The following DOCK2 variants were observed in gnomAD, a reference collection of about 807,000 sequenced individuals.
DOCK2 encodes dedicator of cytokinesis 2, also known as dedicator of cytokinesis protein 2.
A neutral mutation model predicts 248.9 loss-of-function variants in DOCK2; 87 were observed. That is an observed-to-expected ratio of 0.35 (90% CI 0.29 to 0.42). The LOEUF (loss-of-function observed/expected upper bound fraction) is 0.42, where lower values mean the gene tolerates loss of function less well. DOCK2 is among the 10% of genes least tolerant of loss of function. The probability of loss-of-function intolerance (pLI) is 1.00; values close to 1 mark genes in which losing one functional copy is unlikely to be tolerated. For missense variants in DOCK2, 1,747 were observed against 2,300.2 expected (o/e 0.76, Z 4.92); for synonymous variants, 805 against 821.6 (o/e 0.98, Z 0.35).
rs914683564 is a variant in DOCK2 at position 169,807,342 on chromosome 5, G to A, written c.2703+4136G>A. ...TTAGTCTGGACGGTGGGGTCCTGGC[G>A]TCCAGTAACTTATTTTTCTAGCAAG... On this transcript the variant is annotated intron_variant, in intron 26 of 51. Transcript: ENST00000520908. Among the ~76,000 whole-genome samples, 7 of 152,222 alleles carry A rather than the reference G, an allele frequency of 4.6e-5. No homozygotes were observed. In the South Asian group the frequency reaches 8.3e-4, roughly 18 times the overall value.
chr5:169,702,059 G>A (rs996703014), intron 13 of DOCK2: 15 of 332,132 alleles, frequency 4.5e-5, no homozygotes, highest in African/African-American at 3.0e-4. Context: ...AGAAAAACAT[G>A]GCCAATTTTG....
chr5:169,672,748 A>G (rs1759114082), intron 5 of DOCK2, among the ~76,000 whole-genome samples: 1 of 152,222 alleles, frequency 6.6e-6, no homozygotes, highest in Non-Finnish European at 1.5e-5. Context: ...GGACTTGGCT[A>G]TAAATTCAGG....
At chr5:169,660,098 G>A (rs1178051935) in intron 2 of DOCK2, among the ~76,000 whole-genome samples, 1 of 152,112 alleles carries the variant, frequency 6.6e-6, no homozygotes, top group East Asian at 1.9e-4. Flanking sequence ...AGGTAGCTGG[G>A]GAATGAGATG....
In DOCK2 at chr5:169,713,492, A is replaced by G. The variant is rs566729347; in HGVS notation, c.1660-536A>G. On this transcript the variant is annotated intron_variant, in intron 17 of 51. Transcript: ENST00000520908. ...ATGTATTCTATATGCATTATTCCAT[A>G]TTATCTGCTCAGGTATTCTAGGAAG... 4.0e-4 allele frequency among the ~76,000 whole-genome samples: 61 copies of G among 152,236 alleles called. 3 individuals are homozygous for G. The South Asian group carries it at 0.011, about 27-fold the overall frequency.
intron 32 of DOCK2, 149 bp from the exon 33 acceptor site, chr5:170,018,811 G>A (rs1755622584): frequency 9.0e-6 from 9 of 1,003,082 alleles, no homozygotes; most frequent in Admixed American, 2.4e-5. Flanking sequence ...TGTTCAAAAC[G>A]GTGCCTGGCT....
intron 25 of DOCK2, among the ~76,000 whole-genome samples, chr5:169,768,750 C>T (rs1764924590): frequency 6.6e-6 from 1 of 152,182 alleles, no homozygotes; most frequent in East Asian, 1.9e-4. Context: ...AGAACAAAGC[C>T]TCTCCCTCTC....
At chr5:169,796,858 G>A (rs971423973) in intron 25 of DOCK2, among the ~76,000 whole-genome samples, 2 of 152,202 alleles carry the variant, frequency 1.3e-5, no homozygotes, top group African/African-American at 4.8e-5. Context: ...AACAGAGAGA[G>A]GGAGGTGGAG....
In DOCK2 at chr5:169,808,984, AG is replaced by A. The variant is rs1490300867; in HGVS notation, c.2703+5781del. Among the ~76,000 whole-genome samples, 3 of 143,544 alleles carry A rather than the reference AG, an allele frequency of 2.1e-5. No homozygotes were observed. The East Asian group carries it at 6.0e-4, about 29-fold the overall frequency. The allele number at this position is 143,544 out of a possible 152,430, so 94.2% of individuals were successfully genotyped here. On this transcript the variant is annotated intron_variant, in intron 26 of 51. Transcript: ENST00000520908. ...GGTACTCTCAGTCATGAATGGTTTA[AG>A]GGTTCTGATTTTTTTTTTTTCTTTG... is the stretch of plus-strand genomic sequence containing the variant.
At chr5:170,060,145 G>A (rs983876181) in intron 44 of DOCK2, among the ~76,000 whole-genome samples, 2 of 152,154 alleles carry the variant, frequency 1.3e-5, no homozygotes, top group African/African-American at 4.8e-5. Context: ...TCTGCCTATT[G>A]GGGTTTTATT....
intron 2 of DOCK2, 80 bp from the exon 3 acceptor site, chr5:169,669,208 C>G: frequency 1.3e-6 from 2 of 1,578,830 alleles, no homozygotes; most frequent in Non-Finnish European, 1.7e-6. Flanking sequence ...TAGTTTAAAA[C>G]AAAACAAAAC....
chr5:169,660,913 T>C (rs1758410027), intron 2 of DOCK2, among the ~76,000 whole-genome samples: 1 of 152,160 alleles, frequency 6.6e-6, no homozygotes, highest in South Asian at 2.1e-4. Flanking sequence ...CCATTATGTT[T>C]CATTTGCGGC....
At chr5:169,950,159 G>A (rs1443089003) in intron 27 of DOCK2, among the ~76,000 whole-genome samples, 1 of 152,052 alleles carries the variant, frequency 6.6e-6, no homozygotes, top group African/African-American at 2.4e-5. Flanking sequence ...GATGAGACAG[G>A]AGCCATCGTG....
intron 25 of DOCK2, among the ~76,000 whole-genome samples, chr5:169,783,226 AC>A (rs1459634194): frequency 6.6e-6 from 1 of 152,234 alleles, no homozygotes; most frequent in African/African-American, 2.4e-5. Context: ...GAAATATTCA[AC>A]TTTTATTATA....
intron 22 of DOCK2, among the ~76,000 whole-genome samples, chr5:169,739,658 A>C (rs1763209707): frequency 6.6e-6 from 1 of 152,136 alleles, no homozygotes; most frequent in South Asian, 2.1e-4. Context: ...CTGGCAAGCC[A>C]TTTTTTTCTG....
At position 169,721,093 on chromosome 5, in the gene DOCK2, G is replaced by A. The variant is rs59658716; in HGVS notation, c.2267+2302G>A. 3.4e-3 allele frequency among the ~76,000 whole-genome samples: 514 copies of A among 152,310 alleles called. 26 individuals are homozygous for A. In the East Asian group the frequency reaches 0.081, roughly 24 times the overall value. ...ATCTACTGGGACAAAATACATTTGT[G>A]CATTTGTTTTGCTCTTCTCTGCCTC... On this transcript the variant is annotated intron_variant, in intron 22 of 51. Transcript: ENST00000520908.
chr5:169,768,627 C>T (rs1764918019), intron 25 of DOCK2, among the ~76,000 whole-genome samples: 1 of 152,162 alleles, frequency 6.6e-6, no homozygotes, highest in African/African-American at 2.4e-5. Flanking sequence ...CCTGTGGCTT[C>T]TCAGGGCACA....
chr5:169,921,950 G>A (rs199775104), intron 27 of DOCK2, among the ~76,000 whole-genome samples: 1 of 152,320 alleles, frequency 6.6e-6, no homozygotes, highest in East Asian at 1.9e-4. Flanking sequence ...CTCCAGAGAG[G>A]TTGGAGGAGA....
intron 1 of DOCK2, among the ~76,000 whole-genome samples, chr5:169,645,639 T>C (rs954511088): frequency 3.3e-5 from 5 of 152,248 alleles, no homozygotes; most frequent in Admixed American, 2.6e-4. Context: ...TCCCATTTGT[T>C]AATTTTGGTT....
intron 25 of DOCK2, among the ~76,000 whole-genome samples, chr5:169,792,826 G>A (rs1350058308): frequency 6.6e-6 from 1 of 152,082 alleles, no homozygotes; most frequent in Non-Finnish European, 1.5e-5. Context: ...AATTCAATTG[G>A]CCATATATGC....
Sources: gnomAD v4.1 joint callset for allele counts (sites outside exome capture counted in the v4.1 genomes callset) on GRCh38, gnomAD v4.1.1 for gene constraint, MANE v1.5 for transcripts, NCBI Gene and HGNC (gene_info 2026-07-23, HGNC 2026-07-21) for gene names.